FRMD3: variants seen among roughly 807,000 people sequenced by gnomAD.
The protein encoded by FRMD3 is FERM domain containing 3, also known as FERM domain-containing protein 3.
Under a neutral mutation model 70.2 loss-of-function variants are expected in FRMD3, and 33 were observed. That is an observed-to-expected ratio of 0.47 (90% confidence interval 0.36 to 0.63). The LOEUF (loss-of-function observed/expected upper bound fraction) is 0.63, where lower values mean the gene tolerates loss of function less well. Among genes scored for constraint, FRMD3 ranks in the 20% least tolerant of loss-of-function variants. The pLI is 0.00. For missense variants in FRMD3, 632 were observed against 711.4 expected (o/e 0.89, Z 1.27); for synonymous variants, 279 against 255.9 (o/e 1.09, Z -0.86).
At chr9:83,353,663 A>T (rs1264214987) in intron 3 of FRMD3, among the ~76,000 whole-genome samples, 1 of 152,212 alleles carries the variant, frequency 6.6e-6, no homozygotes, top group Non-Finnish European at 1.5e-5. Context: ...CAAAATACAG[A>T]TCTAGAAAAG....
At chr9:83,422,244 C>T (rs761765204) in intron 1 of FRMD3, among the ~76,000 whole-genome samples, 5 of 152,018 alleles carry the variant, frequency 3.3e-5, no homozygotes, top group South Asian at 2.1e-4. Flanking sequence ...ACAAAAAAAT[C>T]GCAGGGGCCC....
In FRMD3 at chr9:83,246,790, A is replaced by C. The variant is rs182590436; in HGVS notation, c.*1128T>G. 3.3e-5 allele frequency: 33 copies of C among 985,224 alleles called. No individual in the cohort carries two copies. Among genetic ancestry groups the C allele is most frequent in the Middle Eastern group, 5.2e-4 (1 of 1,914 alleles). 61.0% of individuals were successfully genotyped at this position (985,224 alleles called of 1,614,324 possible). A position where few individuals can be genotyped will look rare whatever the true frequency, so the allele number is the denominator to read the frequency against. On this transcript the variant is annotated 3_prime_UTR_variant, in exon 14 of 14. Coordinates refer to ENST00000304195, the MANE Select transcript of FRMD3 (RefSeq NM_174938.6). ...TTAAAGTTTCTCCACTTTTATTTAG[A>C]TCCACTTAAACATGTTCATGTTAAC...
intron 1 of FRMD3, chr9:83,467,685 T>C (rs951361681): frequency 2.0e-6 from 3 of 1,535,182 alleles, no homozygotes; most frequent in African/African-American, 2.7e-5. Context: ...AGTGCCGTGA[T>C]CTGCTAGTGC....
At chr9:83,365,502 A>C (rs1362643825) in intron 3 of FRMD3, among the ~76,000 whole-genome samples, 1 of 152,142 alleles carries the variant, frequency 6.6e-6, no homozygotes, top group African/African-American at 2.4e-5. Flanking sequence ...TTAGGATATT[A>C]ATCTCGTATC....
the FRMD3 span, among the ~76,000 whole-genome samples, chr9:83,573,186 C>A: frequency 6.6e-6 from 1 of 151,940 alleles, no homozygotes; most frequent in East Asian, 1.9e-4. Context: ...TCTATTAATG[C>A]CCATCATTGT....
chr9:83,316,626 C>A (rs531142915), intron 6 of FRMD3, among the ~76,000 whole-genome samples: 30 of 152,258 alleles, frequency 2.0e-4, no homozygotes, highest in African/African-American at 6.5e-4. Flanking sequence ...TAGAGAATAT[C>A]TTTATGTATT....
chr9:83,274,208 G>C (rs994012642), intron 13 of FRMD3, among the ~76,000 whole-genome samples: 2 of 152,122 alleles, frequency 1.3e-5, no homozygotes, highest in Non-Finnish European at 2.9e-5. Flanking sequence ...AAGCAAATTA[G>C]AACTCTGGAT....
chr9:83,321,311 G>C (rs190774539), intron 6 of FRMD3, among the ~76,000 whole-genome samples: 1 of 152,026 alleles, frequency 6.6e-6, no homozygotes, highest in Non-Finnish European at 1.5e-5. Context: ...TGATGTAGGC[G>C]TTTAATGCTA....
intron 3 of FRMD3, among the ~76,000 whole-genome samples, chr9:83,351,441 G>A (rs1824155834): frequency 1.3e-5 from 2 of 151,204 alleles, no homozygotes; most frequent in African/African-American, 4.9e-5. Context: ...CTGATCCTAT[G>A]TTCCCAAGAT....
chr9:83,461,425 GC>G (rs891330202), intron 1 of FRMD3, among the ~76,000 whole-genome samples: 11 of 152,170 alleles, frequency 7.2e-5, no homozygotes, highest in Middle Eastern at 3.4e-3. Flanking sequence ...ATGGCAATTT[GC>G]TACAGCATCA....
intron 1 of FRMD3, among the ~76,000 whole-genome samples, chr9:83,392,489 C>T (rs1008394195): frequency 6.6e-6 from 1 of 152,146 alleles, no homozygotes; most frequent in Non-Finnish European, 1.5e-5. Context: ...ATATACCTCA[C>T]ATCAGAAGAG....
intron 13 of FRMD3, among the ~76,000 whole-genome samples, chr9:83,249,118 T>C (rs1832277932): frequency 6.6e-6 from 1 of 152,232 alleles, no homozygotes; most frequent in Admixed American, 6.5e-5. Flanking sequence ...CCAAATTTTT[T>C]ATTTAGTTAT....
intron 1 of FRMD3, among the ~76,000 whole-genome samples, chr9:83,397,396 G>A (rs1284715517): frequency 6.6e-6 from 1 of 152,184 alleles, no homozygotes; most frequent in Admixed American, 6.5e-5. Flanking sequence ...CATCCTCAGA[G>A]CCAGGAAACA....
chr9:83,534,757 G>T (rs977755535), intron 1 of FRMD3, among the ~76,000 whole-genome samples: 2 of 152,156 alleles, frequency 1.3e-5, no homozygotes, highest in South Asian at 4.1e-4. Context: ...CCATGTTTCT[G>T]GGGGGTGGAA....
intron 13 of FRMD3, among the ~76,000 whole-genome samples, chr9:83,265,586 A>C (rs1177990494): frequency 6.6e-6 from 1 of 152,210 alleles, no homozygotes; most frequent in Non-Finnish European, 1.5e-5. Context: ...GTACTAAGTA[A>C]ACAAATAGGC....
intron 1 of FRMD3, among the ~76,000 whole-genome samples, chr9:83,435,371 T>C (rs1428752398): frequency 6.6e-6 from 1 of 152,122 alleles, no homozygotes; most frequent in Admixed American, 6.5e-5. Flanking sequence ...AGAAAGTTTG[T>C]GCCTTTCAAA....
chr9:83,378,636 A>G (rs1825238995), intron 2 of FRMD3, among the ~76,000 whole-genome samples: 1 of 131,486 alleles, frequency 7.6e-6, no homozygotes, highest in South Asian at 2.2e-4. Context: ...ATTTATATAT[A>G]TAATTTATAT....
intron 6 of FRMD3, among the ~76,000 whole-genome samples, chr9:83,314,690 T>C (rs1004639393): frequency 6.6e-6 from 1 of 152,196 alleles, no homozygotes; most frequent in East Asian, 1.9e-4. Flanking sequence ...GGAGTTACAC[T>C]GATACGTCTG....
the FRMD3 span, among the ~76,000 whole-genome samples, chr9:83,543,606 C>T: frequency 6.8e-3 from 1,042 of 152,266 alleles, 7 homozygotes; most frequent in Non-Finnish European, 0.01. Context: ...TCAGCACCCA[C>T]TGAGATTGTG....
Sources: allele counts gnomAD v4.1 joint callset (sites outside exome capture counted in the v4.1 genomes callset), GRCh38; gene constraint gnomAD v4.1.1; transcripts MANE v1.5; gene names NCBI Gene and HGNC (gene_info 2026-07-23, HGNC 2026-07-21).